PNPLA2: variants seen among roughly 807,000 people sequenced by gnomAD.
PNPLA2 encodes the protein patatin like domain 2, triacylglycerol lipase.
In PNPLA2, 28 loss-of-function variants were observed where a neutral mutation model predicts 39.7. That is an observed-to-expected ratio of 0.70 (90% confidence interval 0.52 to 0.97). The LOEUF is 0.97. Ranked by LOEUF, PNPLA2 falls within the 50% of genes least tolerant of loss-of-function variation. The probability of loss-of-function intolerance (pLI) is 0.00; values close to 1 mark genes in which losing one functional copy is unlikely to be tolerated. For missense variants in PNPLA2, 768 were observed against 698.2 expected (o/e 1.10, Z -1.13); for synonymous variants, 392 against 321.1 (o/e 1.22, Z -2.36).
chr11:821,435 C>T lies in PNPLA2; in HGVS notation c.188-193C>T, dbSNP rs1052166067. 9.6e-6 allele frequency: 6 copies of T among 625,494 alleles called. No individual in the cohort carries two copies. In the African/African-American group the frequency reaches 1.1e-4, roughly 11 times the overall value. 38.7% of individuals were successfully genotyped at this position (625,494 alleles called of 1,614,324 possible). On this transcript the variant is annotated intron_variant, in intron 2 of 9. Transcript: ENST00000336615. ...TACCAGGCAGAGGGCAGGTCCTGGT[C>T]TCAGCTGGCCAGCCTCTGCTGTCTG...
chr11:824,237 A>G, intron 8 of PNPLA2, 77 bp from the exon 9 acceptor site: 2 of 1,547,926 alleles, frequency 1.3e-6, no homozygotes, highest in Non-Finnish European at 1.7e-6. Context: ...GTGCCAAGTC[A>G]GGGCACAGAC....
Position 824,025 on chromosome 11 carries a change from C to A in PNPLA2, c.947C>A (p.Thr316Lys), listed in dbSNP as rs972842032. ...EALLEACVEPTDLLTTLSNML... is the reference protein window; with the variant it reads ...EALLEACVEPKDLLTTLSNML... ...CTGCTGGAGGCCTGCGTGGAGCCCA[C>A]GGACCTGCTGACCACCCTCTCCAAC... Residue 316 changes from threonine to lysine, a missense_variant, in exon 8 of 10, where the codon ACG becomes AAG. By Grantham distance (78) the Thr-to-Lys change is moderately conservative. Coordinates refer to ENST00000336615, the MANE Select transcript of PNPLA2 (RefSeq NM_020376.4). 1 of 1,609,870 alleles carries A rather than the reference C, an allele frequency of 6.2e-7. No homozygotes were observed. Among genetic ancestry groups the A allele is most frequent in the East Asian group, 2.2e-5 (1 of 44,756 alleles).
In PNPLA2 at chr11:822,222, C is replaced by T. The variant is rs539829966; in HGVS notation, c.487-175C>T. On this transcript the variant is annotated intron_variant, in intron 4 of 9. Transcript: ENST00000336615. Reference sequence around the variant, plus strand: ...CCCTTCCTCCGTCCCTGCCCTCCCCCGTCTACCATCTGCTCAGTGCCCAGG... The same window carrying T: ...CCCTTCCTCCGTCCCTGCCCTCCCCTGTCTACCATCTGCTCAGTGCCCAGG... 355 of 765,756 alleles carry T rather than the reference C, an allele frequency of 4.6e-4. 1 individual carries two copies. The African/African-American group carries it at 5.2e-3, about 11-fold the overall frequency. 47.4% of individuals were successfully genotyped at this position (765,756 alleles called of 1,614,324 possible).
chr11:821,412 C>T (rs1046033548), intron 2 of PNPLA2: 4 of 604,702 alleles, frequency 6.6e-6, no homozygotes, highest in African/African-American at 5.6e-5. Flanking sequence ...TTGGGAAATA[C>T]CAGGCAGAGG....
In PNPLA2 at chr11:824,573, C is replaced by T. The variant is rs549863849; in HGVS notation, c.1226C>T (p.Pro409Leu). 5 of 1,575,060 alleles carry T rather than the reference C, an allele frequency of 3.2e-6. No homozygotes were observed. Among genetic ancestry groups the T allele is most frequent in the East Asian group, 2.3e-5 (1 of 43,236 alleles). The change falls in exon 10 of 10, where the codon CCG becomes CTG. Residue 409 changes from proline to leucine, a missense_variant. Transcript: ENST00000336615. ...CGCGTCCAGTCGCTGCCGTCCGTGCCGCTGTCCTGCGCCGCCTACAGAGAG... is the reference window on the plus strand; with the variant it reads ...CGCGTCCAGTCGCTGCCGTCCGTGCTGCTGTCCTGCGCCGCCTACAGAGAG... Reference protein sequence around the residue: ...LRRVQSLPSVPLSCAAYREAL... With the variant: ...LRRVQSLPSVLLSCAAYREAL...
At chr11:822,294 G>A in intron 4 of PNPLA2, 103 bp from the exon 5 acceptor site, 1 of 1,057,366 alleles carries the variant, frequency 9.5e-7, no homozygotes, top group Non-Finnish European at 1.5e-6. Flanking sequence ...AAATGAGGTA[G>A]CCACTGAATG....
rs1470292786 is a variant in PNPLA2 at position 822,457 on chromosome 11, A to G, written c.547A>G (p.Thr183Ala). Residue 183 changes from threonine to alanine, a missense_variant, in exon 5 of 10, where the codon ACA (threonine) becomes GCA (alanine). Physicochemically the swap from Thr to Ala is moderately conservative, Grantham distance 58 (BLOSUM62 0). Coordinates refer to ENST00000336615, the MANE Select transcript of PNPLA2 (RefSeq NM_020376.4). ...ACTCTATGAGCTTAAGAACACCATC[A>G]CAGTGTCCCCCTTCTCGGGCGAGAG... ...LPLYELKNTI[T>A]VSPFSGESDI... 3 of 1,614,114 alleles carry G rather than the reference A, an allele frequency of 1.9e-6. No individual in the cohort carries two copies. Among genetic ancestry groups the G allele is most frequent in the South Asian group, 1.1e-5 (1 of 91,090 alleles).
In PNPLA2 at chr11:823,725, G is replaced by C. The variant is rs757398905; in HGVS notation, c.789G>C (p.Ala263=). 72 of 1,607,194 alleles carry C rather than the reference G, an allele frequency of 4.5e-5. No individual in the cohort carries two copies. Among genetic ancestry groups the C allele is most frequent in the Non-Finnish European group, 5.8e-5 (68 of 1,177,434 alleles). Residue 263 remains alanine (A), a synonymous_variant, in exon 7 of 10, where the codon GCG becomes GCC. Coordinates refer to ENST00000336615, the MANE Select transcript of PNPLA2 (RefSeq NM_020376.4). ...GLLNRPNPLL[A]LPPARPHGPE... ...TGAACCGGCCCAACCCCTTGCTGGCGTTGCCCCCCGCCCGCCCCCACGGCC... is the reference window on the plus strand; with the variant it reads ...TGAACCGGCCCAACCCCTTGCTGGCCTTGCCCCCCGCCCGCCCCCACGGCC...
At position 822,308 on chromosome 11, in the gene PNPLA2, C is replaced by T. The variant is rs1845692862; in HGVS notation, c.487-89C>T. 5.0e-6 allele frequency: 6 copies of T among 1,193,284 alleles called. No homozygotes were observed. The South Asian group carries it at 7.3e-5, about 15-fold the overall frequency. The allele number at this position is 1,193,284 out of a possible 1,614,324, so 73.9% of individuals were successfully genotyped here. A position where few individuals can be genotyped will look rare whatever the true frequency, so the allele number is the denominator to read the frequency against. On this transcript the variant is annotated intron_variant, in intron 4 of 9. Transcript: ENST00000336615. ...CAAATGAGGTAGCCACTGAATGGGG[C>T]CCTTGGTGGCCGGGTGGGGTGGCTG... is the stretch of plus-strand genomic sequence containing the variant.
chr11:823,638 C>T (rs368530271), intron 6 of PNPLA2, 51 bp downstream of exon 6: 90 of 1,601,444 alleles, frequency 5.6e-5, no homozygotes, highest in Middle Eastern at 3.3e-4. Flanking sequence ...TCTGCTACCC[C>T]CTGCGGGCCG....
At chr11:819,395 A>C in intron 1 of PNPLA2, 179 bp from the exon 2 acceptor site, 8 of 978,306 alleles carry the variant, frequency 8.2e-6, no homozygotes, top group Non-Finnish European at 8.5e-6. Flanking sequence ...GGGAGGGCAG[A>C]AGCTTTCTCC....
Position 825,010 on chromosome 11 carries a change from T to G in PNPLA2, c.*148T>G. The G allele has an allele frequency of 1.4e-6, 1 of 738,122 alleles. No homozygotes were observed. The allele number at this position is 738,122 out of a possible 1,614,324, so 45.7% of individuals were successfully genotyped here. On this transcript the variant is annotated 3_prime_UTR_variant, in exon 10 of 10. Transcript: ENST00000336615. Reference sequence around the variant, plus strand: ...AGCTGCATGCACTGAGAGGGGAGGTTTCCACACCCCTCCCCTGGGCCGCTG... The same window carrying G: ...AGCTGCATGCACTGAGAGGGGAGGTGTCCACACCCCTCCCCTGGGCCGCTG...
chr11:822,090 C>T, intron 4 of PNPLA2, 67 bp downstream of exon 4: 1 of 1,392,608 alleles, frequency 7.2e-7, no homozygotes. Flanking sequence ...GAGGAGGAGG[C>T]CGCCTAGAGC....
chr11:821,358 G>A (rs954787717), intron 2 of PNPLA2: 2 of 561,506 alleles, frequency 3.6e-6, no homozygotes, highest in Admixed American at 3.1e-5. Context: ...CCCCTCTCCT[G>A]GGCTAGATGC....
Position 819,916 on chromosome 11 carries a change from C to CCGGGGGCGGCAGG in PNPLA2, c.187+18_187+30dup, listed in dbSNP as rs1270966274. On this transcript the variant is annotated intron_variant, in intron 2 of 9. Transcript: ENST00000336615. ...CCGGGGTCTGCCTGGGTGAGCGGGG[C>CCGGGGGCGGCAGG]CGGGGGCGGCAGGCGGGGGGCTGGC... is the stretch of plus-strand genomic sequence containing the variant. The CCGGGGGCGGCAGG allele has an allele frequency of 9.7e-6, 13 of 1,344,320 alleles. No homozygotes were observed. Among genetic ancestry groups the CCGGGGGCGGCAGG allele is most frequent in the Non-Finnish European group, 1.0e-5 (11 of 1,051,244 alleles). 83.3% of individuals were successfully genotyped at this position (1,344,320 alleles called of 1,614,324 possible). A position where few individuals can be genotyped will look rare whatever the true frequency, so the allele number is the denominator to read the frequency against.
intron 6 of PNPLA2, 32 bp from the exon 7 acceptor site, chr11:823,661 TG>T (rs781516108): frequency 1.2e-6 from 2 of 1,604,010 alleles, no homozygotes; most frequent in Non-Finnish European, 1.7e-6. Flanking sequence ...GCCGCGCTGA[TG>T]AACTGAGAAT....
chr11:824,639 A>G lies in PNPLA2; in HGVS notation c.1292A>G (p.Asp431Gly), dbSNP rs1324169576. 2.5e-6 allele frequency: 4 copies of G among 1,597,076 alleles called. No individual in the cohort carries two copies. Among genetic ancestry groups the G allele is most frequent in the Non-Finnish European group, 3.4e-6 (4 of 1,177,076 alleles). The part of the protein sequence containing the change: ...GWMRNNLSLG[D>G]ALAKWEECQR... The stretch of plus-strand genomic sequence containing the variant: ...ATGCGCAACAACCTCTCGCTGGGGG[A>G]CGCGCTGGCCAAGTGGGAGGAGTGC... Residue 431 changes from aspartate (D) to glycine (G), a missense_variant, in exon 10 of 10, where the codon GAC (aspartate) becomes GGC (glycine). By Grantham distance (94) the Asp-to-Gly change is moderately conservative. Coordinates refer to ENST00000336615, the MANE Select transcript of PNPLA2 (RefSeq NM_020376.4).
intron 2 of PNPLA2, chr11:821,284 G>C (rs370418255): frequency 7.1e-5 from 29 of 408,170 alleles, no homozygotes; most frequent in African/African-American, 5.9e-4. Flanking sequence ...CCCCATCCCC[G>C]CACTGCTGGA....
At chr11:820,757 C>G (rs1008722357) in intron 2 of PNPLA2, 2 of 152,336 alleles carry the variant, frequency 1.3e-5, no homozygotes, top group Admixed American at 1.3e-4. Context: ...GTGAACCTCT[C>G]AGGTCCCAAT....
Sources: allele counts gnomAD v4.1 joint callset, GRCh38; gene constraint gnomAD v4.1.1; transcripts MANE v1.5; gene names NCBI Gene and HGNC (gene_info 2026-07-23, HGNC 2026-07-21).